WWOX: variants seen among roughly 807,000 people sequenced by gnomAD.
WWOX encodes WW domain-containing oxidoreductase.
A neutral mutation model predicts 46.2 loss-of-function variants in WWOX; 69 were observed. That is an observed-to-expected ratio of 1.49 (90% CI 1.23 to 1.82). The LOEUF (loss-of-function observed/expected upper bound fraction) is 1.82, where lower values mean the gene tolerates loss of function less well. Among genes scored for constraint, WWOX ranks in the 40% most tolerant of loss-of-function variants. WWOX has a pLI of 0.00. For missense variants in WWOX, 919 were observed against 542.6 expected (o/e 1.69, Z -6.89); for synonymous variants, 359 against 202.6 (o/e 1.77, Z -6.56).
chr16:78,252,067 A>T (rs2151829268), intron 5 of WWOX, among the ~76,000 whole-genome samples: 1 of 152,268 alleles, frequency 6.6e-6, no homozygotes, highest in East Asian at 1.9e-4. Flanking sequence ...CTGGGATGAG[A>T]GCAAGCACCG....
At chr16:78,722,160 C>T (rs1196215957) in intron 8 of WWOX, among the ~76,000 whole-genome samples, 1 of 152,168 alleles carries the variant, frequency 6.6e-6, no homozygotes, top group South Asian at 2.1e-4. Context: ...CAGCACGTGG[C>T]TCACTCCCTG....
At chr16:78,772,947 C>T (rs940028368) in intron 8 of WWOX, among the ~76,000 whole-genome samples, 1 of 152,126 alleles carries the variant, frequency 6.6e-6, no homozygotes, top group African/African-American at 2.4e-5. Context: ...ATTGCTTGGG[C>T]CCAGGAGGCT....
At chr16:78,587,008 T>C (rs1230476285) in intron 8 of WWOX, among the ~76,000 whole-genome samples, 4 of 152,096 alleles carry the variant, frequency 2.6e-5, no homozygotes, top group Admixed American at 2.6e-4. Flanking sequence ...GCAATCTATT[T>C]GATAATGGCA....
intron 8 of WWOX, among the ~76,000 whole-genome samples, chr16:78,652,174 G>C (rs1411054248): frequency 6.6e-6 from 1 of 152,052 alleles, no homozygotes; most frequent in Non-Finnish European, 1.5e-5. Flanking sequence ...CACTTTGGGA[G>C]GCTGAGGTGG....
chr16:79,107,331 G>A (rs532351375), intron 8 of WWOX, among the ~76,000 whole-genome samples: 5 of 146,908 alleles, frequency 3.4e-5, no homozygotes, highest in South Asian at 4.3e-4. Flanking sequence ...CAAGTGATCC[G>A]CCCTTCTCGG....
chr16:79,103,261 A>G (rs889182821), intron 8 of WWOX, among the ~76,000 whole-genome samples: 1 of 152,184 alleles, frequency 6.6e-6, no homozygotes, highest in Non-Finnish European at 1.5e-5. Flanking sequence ...TTTTCTGAAG[A>G]GGCATCTATT....
At chr16:78,754,332 A>G (rs547167486) in intron 8 of WWOX, among the ~76,000 whole-genome samples, 1 of 152,250 alleles carries the variant, frequency 6.6e-6, no homozygotes, top group South Asian at 2.1e-4. Context: ...CAGACAGCCT[A>G]AGGTCAGTGT....
At chr16:78,195,550 A>T (rs1213697355) in intron 5 of WWOX, among the ~76,000 whole-genome samples, 1 of 151,968 alleles carries the variant, frequency 6.6e-6, no homozygotes, top group Non-Finnish European at 1.5e-5. Context: ...AAAAAAAAAG[A>T]GCGGCTCACA....
chr16:79,083,730 C>G (rs8044022), intron 8 of WWOX, among the ~76,000 whole-genome samples: 1 of 152,164 alleles, frequency 6.6e-6, no homozygotes, highest in Non-Finnish European at 1.5e-5. Context: ...GAATTTGCTT[C>G]AAAGTTTTCA....
At chr16:78,969,641 T>G (rs1242702836) in intron 8 of WWOX, among the ~76,000 whole-genome samples, 2 of 152,188 alleles carry the variant, frequency 1.3e-5, no homozygotes, top group East Asian at 3.9e-4. Flanking sequence ...AGGTGCTGTT[T>G]ATGAACAAGG....
At chr16:78,854,029 C>G (rs1474015591) in intron 8 of WWOX, among the ~76,000 whole-genome samples, 1 of 152,162 alleles carries the variant, frequency 6.6e-6, no homozygotes, top group Non-Finnish European at 1.5e-5. Flanking sequence ...TGTTGTACCA[C>G]CACCTGAAGA....
At chr16:78,318,110 C>G (rs1375157458) in intron 5 of WWOX, among the ~76,000 whole-genome samples, 4 of 152,058 alleles carry the variant, frequency 2.6e-5, no homozygotes, top group African/African-American at 9.7e-5. Context: ...GGATGTGAGT[C>G]ACTTTCCCTT....
intron 8 of WWOX, among the ~76,000 whole-genome samples, chr16:79,090,319 G>GT (rs1398386916): frequency 3.4e-5 from 5 of 147,954 alleles, no homozygotes; most frequent in Admixed American, 1.4e-4. Context: ...GTGTGTGTGT[G>GT]ATATAATGTG....
rs571957352 is a variant in WWOX at position 78,479,520 on chromosome 16, A to C, written c.1056+46768A>C. Among the ~76,000 whole-genome samples, 5 of 152,346 alleles carry C rather than the reference A, an allele frequency of 3.3e-5. No homozygotes were observed. The East Asian group carries it at 5.8e-4, about 18-fold the overall frequency. On this transcript the variant is annotated intron_variant, in intron 8 of 8. Transcript: ENST00000566780. ...CTGTGAAGATTATGGTTTTTGAATG[A>C]AGTCACTTTGTGGCATGATGGTATA...
At chr16:78,804,045 C>G (rs1340832759) in intron 8 of WWOX, among the ~76,000 whole-genome samples, 3 of 152,096 alleles carry the variant, frequency 2.0e-5, no homozygotes, top group East Asian at 3.9e-4. Flanking sequence ...GGAAACACTT[C>G]TTTCCTTCAT....
intron 8 of WWOX, among the ~76,000 whole-genome samples, chr16:78,443,347 G>GA (rs1326389537): frequency 5.3e-5 from 8 of 152,028 alleles, no homozygotes. Context: ...GCAAGCCTCA[G>GA]GAACCACTAA....
At chr16:78,254,928 G>A (rs554676035) in intron 5 of WWOX, among the ~76,000 whole-genome samples, 3 of 152,292 alleles carry the variant, frequency 2.0e-5, no homozygotes, top group African/African-American at 7.2e-5. Context: ...CCCAGAGGCT[G>A]GGAGCACATC....
chr16:78,143,106 C>G (rs969963405), intron 4 of WWOX, among the ~76,000 whole-genome samples: 3 of 152,202 alleles, frequency 2.0e-5, no homozygotes, highest in African/African-American at 7.2e-5. Context: ...CTATAGCACA[C>G]TGAATGAAAT....
intron 8 of WWOX, among the ~76,000 whole-genome samples, chr16:78,789,234 C>A (rs2050532471): frequency 6.6e-6 from 1 of 152,048 alleles, no homozygotes; most frequent in South Asian, 2.1e-4. Context: ...AAGAGTTTTT[C>A]CCTGAAACCA....
Sources: gnomAD v4.1 joint callset for allele counts (sites outside exome capture counted in the v4.1 genomes callset) on GRCh38, gnomAD v4.1.1 for gene constraint, MANE v1.5 for transcripts, NCBI Gene and HGNC (gene_info 2026-07-23, HGNC 2026-07-21) for gene names.